Variants in KLF15 observed in about 807,000 individuals in gnomAD.
The protein encoded by KLF15 is KLF transcription factor 15, also known as Krueppel-like factor 15.
Under a neutral mutation model 24.6 loss-of-function variants are expected in KLF15, and 4 were observed. That is an observed-to-expected ratio of 0.16 (90% CI 0.08 to 0.37). The LOEUF is 0.37. KLF15 is among the 10% of genes least tolerant of loss of function. The probability of loss-of-function intolerance (pLI) is 1.00; values close to 1 mark genes in which losing one functional copy is unlikely to be tolerated. For synonymous variants in KLF15, 246 were observed against 236.3 expected, an observed-to-expected ratio of 1.04 and a Z score of -0.37; for missense variants, 496 against 560.6, an observed-to-expected ratio of 0.88 and a Z score of 1.16.
chr3:126,324,760 T>C, the KLF15 span, among the ~76,000 whole-genome samples: 3 of 150,686 alleles, frequency 2.0e-5, no homozygotes, highest in South Asian at 2.1e-4. Context: ...GTTAACTTTT[T>C]TTTTTTTCAT....
rs1035038756 is a variant in KLF15 at position 126,357,311 on chromosome 3, C to A, written c.-100G>T. On this transcript the variant is annotated 5_prime_UTR_variant, in exon 1 of 3. Transcript: ENST00000296233. The stretch of plus-strand genomic sequence containing the variant: ...GCCGGGCGGGCTGGGCTGGGGGCGG[C>A]GGCTAGACTCTCGGTCCGGCGGCGG... The A allele has an allele frequency of 6.8e-6, 1 of 147,432 alleles. No individual in the cohort carries two copies. The highest frequency in any genetic ancestry group is 1.5e-5 in the Non-Finnish European group (1 of 66,210). The allele number at this position is 147,432 out of a possible 1,614,324, so 9.1% of individuals were successfully genotyped here. A position where few individuals can be genotyped will look rare whatever the true frequency, so the allele number is the denominator to read the frequency against.
At chr3:126,330,720 A>G in the KLF15 span, among the ~76,000 whole-genome samples, 1 of 152,232 alleles carries the variant, frequency 6.6e-6, no homozygotes, top group South Asian at 2.1e-4. Context: ...CCTGTGTCTC[A>G]TTATTTCTTG....
downstream of KLF15, among the ~76,000 whole-genome samples, chr3:126,337,922 A>G (rs1191197695): frequency 6.6e-6 from 1 of 152,200 alleles, no homozygotes; most frequent in Non-Finnish European, 1.5e-5. Flanking sequence ...AGGTGCAAAA[A>G]GCAAGTCCCT....
At chr3:126,297,134 G>A in the KLF15 span, among the ~76,000 whole-genome samples, 8 of 151,990 alleles carry the variant, frequency 5.3e-5, no homozygotes, top group Non-Finnish European at 1.0e-4. Context: ...GTTAAACCTT[G>A]AAATGTCTTC....
chr3:126,331,306 G>C, the KLF15 span, among the ~76,000 whole-genome samples: 1 of 152,154 alleles, frequency 6.6e-6, no homozygotes, highest in African/African-American at 2.4e-5. Flanking sequence ...TCCTCTCTGG[G>C]AATACAAACC....
the KLF15 span, among the ~76,000 whole-genome samples, chr3:126,323,463 CATATATATGTTATATATATATATAACAT>C: frequency 4.2e-3 from 316 of 75,364 alleles, 9 homozygotes; most frequent in East Asian, 0.015. Flanking sequence ...ATATATATAA[CATATATATGTTATATATATATATAACAT>C]ATATATATAT....
At chr3:126,339,760 C>T (rs2082465493), downstream of KLF15, among the ~76,000 whole-genome samples, 1 of 152,168 alleles carries the variant, frequency 6.6e-6, no homozygotes, top group African/African-American at 2.4e-5. Flanking sequence ...GGCTTTCTGC[C>T]TATGTCCCCT....
chr3:126,336,254 C>T, the KLF15 span, among the ~76,000 whole-genome samples: 1 of 132,008 alleles, frequency 7.6e-6, no homozygotes, highest in Admixed American at 7.6e-5. Flanking sequence ...AGAACAGAGC[C>T]CTCAGAAATA....
the KLF15 span, among the ~76,000 whole-genome samples, chr3:126,299,205 A>AGTAT: frequency 0.043 from 6,541 of 150,458 alleles, 236 homozygotes; most frequent in African/African-American, 0.095. Context: ...TATATTCCTA[A>AGTAT]GTATGTATGT....
downstream of KLF15, among the ~76,000 whole-genome samples, chr3:126,338,098 T>G (rs1243598332): frequency 6.6e-6 from 1 of 152,216 alleles, no homozygotes; most frequent in Non-Finnish European, 1.5e-5. Flanking sequence ...CACTGCACCT[T>G]GGTAGCTTTG....
chr3:126,316,439 T>TGAGTGGGGAAGGGATACTATGGGGCG, the KLF15 span, among the ~76,000 whole-genome samples: 1 of 118,500 alleles, frequency 8.4e-6, no homozygotes. Context: ...TGCATGGGCC[T>TGAGTGGGGAAGGGATACTATGGGGCG]GAGTGGGGAA....
chr3:126,324,776 T>G, the KLF15 span, among the ~76,000 whole-genome samples: 1 of 144,396 alleles, frequency 6.9e-6, no homozygotes, highest in Non-Finnish European at 1.5e-5. Context: ...TTCATTGATC[T>G]TTTTGCTTTT....
At chr3:126,338,192 G>C (rs1046670579), downstream of KLF15, among the ~76,000 whole-genome samples, 1 of 152,192 alleles carries the variant, frequency 6.6e-6, no homozygotes, top group Non-Finnish European at 1.5e-5. Flanking sequence ...TGGGAAGGCT[G>C]GGAGAGGACA....
At chr3:126,310,036 G>A in the KLF15 span, among the ~76,000 whole-genome samples, 4 of 152,252 alleles carry the variant, frequency 2.6e-5, no homozygotes, top group African/African-American at 9.6e-5. Flanking sequence ...CCAAGGCCAA[G>A]GCACCGGCAT....
the KLF15 span, among the ~76,000 whole-genome samples, chr3:126,308,953 G>C: frequency 6.6e-6 from 1 of 152,212 alleles, no homozygotes; most frequent in South Asian, 2.1e-4. Context: ...CGCTGGCCCA[G>C]GGTGAGGGCG....
chr3:126,348,869 G>T (rs148203036), intron 2 of KLF15, among the ~76,000 whole-genome samples: 397 of 152,314 alleles, frequency 2.6e-3, no homozygotes, highest in African/African-American at 9.3e-3. Context: ...AAAGGCCTCA[G>T]AAGGTAATGA....
the KLF15 span, among the ~76,000 whole-genome samples, chr3:126,324,956 C>T: frequency 3.2e-5 from 3 of 93,074 alleles, no homozygotes. Context: ...CTATCCCTCC[C>T]CCCTCCCCCG....
chr3:126,302,566 T>C, the KLF15 span, among the ~76,000 whole-genome samples: 1 of 152,184 alleles, frequency 6.6e-6, no homozygotes. Flanking sequence ...TTTGAGGTTC[T>C]GTTATTAGGT....
the KLF15 span, among the ~76,000 whole-genome samples, chr3:126,292,584 G>T: frequency 6.6e-6 from 1 of 152,218 alleles, no homozygotes; most frequent in Admixed American, 6.5e-5. Context: ...GAAGAGTGGG[G>T]TTGATAAACA....
Sources: allele counts gnomAD v4.1 joint callset (sites outside exome capture counted in the v4.1 genomes callset), GRCh38; gene constraint gnomAD v4.1.1; transcripts MANE v1.5; gene names NCBI Gene and HGNC (gene_info 2026-07-23, HGNC 2026-07-21).